Variants in NCOA1 observed in about 807,000 individuals in gnomAD.
NCOA1 encodes Hin-2 protein.
A neutral mutation model predicts 150.9 loss-of-function variants in NCOA1; 35 were observed. That is an observed-to-expected ratio of 0.23 (90% CI 0.18 to 0.31). The LOEUF (loss-of-function observed/expected upper bound fraction) is 0.31. Ranked by LOEUF, NCOA1 falls within the 10% of genes least tolerant of loss-of-function variation. The probability of loss-of-function intolerance (pLI) is 1.00; values close to 1 mark genes in which losing one functional copy is unlikely to be tolerated. For missense variants in NCOA1, 1,491 were observed against 1,749.3 expected (o/e 0.85, Z 2.63); for synonymous variants, 590 against 630.0 (o/e 0.94, Z 0.95).
intron 19 of NCOA1, 75 bp from the exon 20 acceptor site, chr2:24,751,907 C>A: frequency 1.5e-6 from 2 of 1,324,704 alleles, no homozygotes; most frequent in East Asian, 2.4e-5. Context: ...GTGACAGATC[C>A]TTTTGGGTTT....
chr2:24,517,350 C>G (rs1202371548), intron 1 of NCOA1, among the ~76,000 whole-genome samples: 1 of 151,812 alleles, frequency 6.6e-6, no homozygotes, highest in Non-Finnish European at 1.5e-5. Flanking sequence ...CACCCTTTTC[C>G]AAGACCCAGT....
At chr2:24,601,393 T>C (rs1223045433) in intron 3 of NCOA1, among the ~76,000 whole-genome samples, 3 of 152,030 alleles carry the variant, frequency 2.0e-5, no homozygotes, top group African/African-American at 7.2e-5. Context: ...TTTAAAAAAA[T>C]TTTTAGAGAT....
intron 22 of NCOA1, 200 bp from the exon 23 acceptor site, chr2:24,768,020 TA>T (rs1665154251): frequency 2.5e-6 from 4 of 1,569,422 alleles, no homozygotes; most frequent in Non-Finnish European, 3.5e-6. Context: ...ATTTTATTTT[TA>T]AAGTGTGAAC....
chr2:24,605,254 G>C (rs549258812), intron 3 of NCOA1, among the ~76,000 whole-genome samples: 1 of 152,306 alleles, frequency 6.6e-6, no homozygotes, highest in East Asian at 1.9e-4. Flanking sequence ...AAATGGCACC[G>C]ACAGACTTGC....
At chr2:24,731,265 A>G (rs867932210) in intron 17 of NCOA1, among the ~76,000 whole-genome samples, 10 of 152,202 alleles carry the variant, frequency 6.6e-5, no homozygotes, top group Non-Finnish European at 1.3e-4. Flanking sequence ...TAAGAGTTCT[A>G]GTTTCAAGTC....
chr2:24,612,689 C>T (rs1668685176), intron 3 of NCOA1, among the ~76,000 whole-genome samples: 1 of 152,058 alleles, frequency 6.6e-6, no homozygotes, highest in Non-Finnish European at 1.5e-5. Flanking sequence ...ATTGATAAAG[C>T]TTTCCCTAAT....
intron 14 of NCOA1, among the ~76,000 whole-genome samples, chr2:24,725,752 A>T (rs1021935267): frequency 6.9e-5 from 10 of 145,358 alleles, no homozygotes; most frequent in African/African-American, 2.3e-4. Context: ...TGTGTGTGTG[A>T]GATCCCAGAA....
chr2:24,721,967 C>T (rs959369181), intron 14 of NCOA1, among the ~76,000 whole-genome samples: 1 of 152,072 alleles, frequency 6.6e-6, no homozygotes, highest in African/African-American at 2.4e-5. Flanking sequence ...GATTTGTGTT[C>T]CCCTTTTTTC....
chr2:24,491,718 C>G lies in NCOA1; in HGVS notation c.-396+116C>G, dbSNP rs186051709. On this transcript the variant is annotated intron_variant, in intron 1 of 22. Coordinates refer to ENST00000348332, the MANE Select transcript of NCOA1 (RefSeq NM_003743.5). ...CTGGCGCCCCTCCGCCCCCTGCTCT[C>G]CTTTCTCCCGCTCCATCCTCCTCCC... 5.3e-3 allele frequency among the ~76,000 whole-genome samples: 795 copies of G among 151,416 alleles called. 5 individuals carry two copies. Among genetic ancestry groups the G allele is most frequent in the African/African-American group, 0.018 (760 of 41,398 alleles).
chr2:24,711,168 T>G (rs951306752), intron 14 of NCOA1, 57 bp downstream of exon 14: 2 of 1,513,638 alleles, frequency 1.3e-6, no homozygotes, highest in African/African-American at 2.8e-5. Context: ...TGGATTAGCA[T>G]TTTGTCTCTC....
intron 3 of NCOA1, among the ~76,000 whole-genome samples, chr2:24,625,619 A>G (rs1321681767): frequency 3.3e-5 from 5 of 152,046 alleles, no homozygotes; most frequent in African/African-American, 1.2e-4. Context: ...CCCAAAGGAG[A>G]CATTTAAAGC....
intron 1 of NCOA1, among the ~76,000 whole-genome samples, chr2:24,544,443 T>C (rs1439967668): frequency 3.3e-5 from 5 of 152,178 alleles, no homozygotes; most frequent in South Asian, 4.1e-4. Flanking sequence ...GAACACGTGC[T>C]TCTAAAATGA....
intron 17 of NCOA1, among the ~76,000 whole-genome samples, chr2:24,734,165 G>A (rs1408906434): frequency 6.6e-4 from 89 of 135,306 alleles, no homozygotes; most frequent in African/African-American, 2.1e-3. Context: ...TGACAAGAGC[G>A]AAACTCCATC....
chr2:24,675,069 T>G (rs966787073), intron 7 of NCOA1, among the ~76,000 whole-genome samples: 1 of 152,358 alleles, frequency 6.6e-6, no homozygotes, highest in African/African-American at 2.4e-5. Context: ...ATTTCTTTCC[T>G]TAATTGCCTC....
At chr2:24,728,555 A>G (rs974385768) in intron 16 of NCOA1, 79 bp downstream of exon 16, 4 of 1,263,774 alleles carry the variant, frequency 3.2e-6, no homozygotes, top group South Asian at 1.6e-5. Flanking sequence ...ATTTTAAAGT[A>G]TTGTACCCAC....
rs555476416 is a variant in NCOA1 at position 24,770,226 on chromosome 2, A to G, written c.*1835A>G. 1.7e-5 allele frequency: 4 copies of G among 231,374 alleles called. No individual in the cohort carries two copies. In the South Asian group the frequency reaches 7.3e-4, roughly 42 times the overall value. 14.3% of individuals were successfully genotyped at this position (231,374 alleles called of 1,614,324 possible). ...AGCCAGCCATATTACTCTAGTCCCTACCAAACTGCTCTAGAAGGTCATTTC... is the reference window on the plus strand; with the variant it reads ...AGCCAGCCATATTACTCTAGTCCCTGCCAAACTGCTCTAGAAGGTCATTTC... On this transcript the variant is annotated 3_prime_UTR_variant, in exon 23 of 23. Transcript: ENST00000348332.
intron 2 of NCOA1, among the ~76,000 whole-genome samples, chr2:24,578,685 G>A (rs1315165850): frequency 6.6e-6 from 1 of 151,992 alleles, no homozygotes; most frequent in Admixed American, 6.6e-5. Flanking sequence ...TTTTGGAATT[G>A]GAATAACTCA....
chr2:24,672,059 G>A (rs963653723), intron 6 of NCOA1, among the ~76,000 whole-genome samples: 2 of 151,774 alleles, frequency 1.3e-5, no homozygotes, highest in Non-Finnish European at 2.9e-5. Flanking sequence ...AGGACTAATG[G>A]TATATATAAC....
intron 3 of NCOA1, among the ~76,000 whole-genome samples, chr2:24,613,347 T>TA (rs1668719844): frequency 1.3e-5 from 2 of 152,210 alleles, no homozygotes; most frequent in South Asian, 4.1e-4. Flanking sequence ...ATTGGGCTGA[T>TA]ACGTGGAGTG....
Sources: gnomAD v4.1 joint callset for allele counts (sites outside exome capture counted in the v4.1 genomes callset) on GRCh38, gnomAD v4.1.1 for gene constraint, MANE v1.5 for transcripts, NCBI Gene and HGNC (gene_info 2026-07-23, HGNC 2026-07-21) for gene names.